The following KCNMA1 variants were observed in gnomAD, a reference collection of about 807,000 sequenced individuals.
KCNMA1 encodes the protein Calcium-activated potassium channel subunit alpha-1.
KCNMA1 carries 29 observed loss-of-function variants against 140.0 expected under a neutral mutation model. The observed-to-expected ratio is 0.21, with a 90% confidence interval of 0.15 to 0.28. The LOEUF is 0.28. KCNMA1 is among the 10% of genes least tolerant of loss of function. The pLI, the probability that KCNMA1 is intolerant of heterozygous loss-of-function variation, is 1.00. For missense variants in KCNMA1, 880 were observed against 1,602.2 expected, an observed-to-expected ratio of 0.55 and a Z score of 7.70; for synonymous variants, 612 against 611.9, an observed-to-expected ratio of 1.00 and a Z score of 0.00.
intron 1 of KCNMA1, among the ~76,000 whole-genome samples, chr10:77,425,113 A>ATGGATGGATGGATGGATGAG (rs1566765906): frequency 8.5e-6 from 1 of 117,136 alleles, no homozygotes; most frequent in Non-Finnish European, 1.7e-5. Flanking sequence ...GGATGAGTGG[A>ATGGATGGATGGATGGATGAG]TGGATGGATG....
chr10:77,341,471 C>T (rs1459715227), intron 2 of KCNMA1, among the ~76,000 whole-genome samples: 1 of 152,198 alleles, frequency 6.6e-6, no homozygotes, highest in African/African-American at 2.4e-5. Flanking sequence ...TCCCTCCTCC[C>T]TCATTCCCAT....
chr10:77,550,110 G>C (rs922753268), intron 1 of KCNMA1, among the ~76,000 whole-genome samples: 2 of 152,240 alleles, frequency 1.3e-5, no homozygotes, highest in African/African-American at 2.4e-5. Flanking sequence ...AAGCCAGGCA[G>C]TGATGCTCAC....
chr10:77,456,348 G>A (rs2097762319), intron 1 of KCNMA1, among the ~76,000 whole-genome samples: 1 of 152,116 alleles, frequency 6.6e-6, no homozygotes, highest in African/African-American at 2.4e-5. Flanking sequence ...AGGACCTCCG[G>A]AGAGAAACCT....
At chr10:77,316,975 G>A (rs1349267695) in intron 2 of KCNMA1, among the ~76,000 whole-genome samples, 1 of 152,104 alleles carries the variant, frequency 6.6e-6, no homozygotes, top group Admixed American at 6.5e-5. Context: ...ACTTCTTTCT[G>A]GGTCATGCCC....
At chr10:77,631,105 CCAAAAAAAAAA>C (rs1220494794) in intron 1 of KCNMA1, among the ~76,000 whole-genome samples, 2,872 of 90,394 alleles carry the variant, frequency 0.032, 130 homozygotes, top group African/African-American at 0.11. Flanking sequence ...AGACCCTGTC[CCAAAAAAAAAA>C]AAAAAAAAAA....
rs1349220930 is a variant in KCNMA1 at position 77,189,454 on chromosome 10, G to A, written c.603-4538C>T. Among the ~76,000 whole-genome samples the A allele has an allele frequency of 5.3e-5, 8 of 152,194 alleles. No individual in the cohort carries two copies. In the East Asian group the frequency reaches 1.4e-3, roughly 26 times the overall value. On this transcript the variant is annotated intron_variant, in intron 3 of 27. Transcript: ENST00000286628. Reference sequence around the variant, plus strand: ...ATGCCACTGTGCAAGCTTCACCAGTGGACGTTCCAATTAACAATCAGAGAG... The same window carrying A: ...ATGCCACTGTGCAAGCTTCACCAGTAGACGTTCCAATTAACAATCAGAGAG...
At chr10:77,509,410 G>GCC (rs34476440) in intron 1 of KCNMA1, among the ~76,000 whole-genome samples, 22 of 151,940 alleles carry the variant, frequency 1.4e-4, no homozygotes, top group African/African-American at 5.3e-4. Context: ...GAGCCACCAT[G>GCC]CCCGGCCCTA....
At chr10:77,028,685 G>A (rs528061746) in intron 15 of KCNMA1, among the ~76,000 whole-genome samples, 1 of 152,028 alleles carries the variant, frequency 6.6e-6, no homozygotes, top group Non-Finnish European at 1.5e-5. Flanking sequence ...ATTTTACACT[G>A]GCTGTGGTCG....
In KCNMA1 at chr10:77,197,357, G is replaced by A. The variant is rs570649213; in HGVS notation, c.603-12441C>T. ...CTGGTCACTTGGTGCACACCCAGGT[G>A]GAGTCAGGAACATGTAGGACTGATG... On this transcript the variant is annotated intron_variant, in intron 3 of 27. Transcript: ENST00000286628. Among the ~76,000 whole-genome samples the A allele has an allele frequency of 2.0e-5, 3 of 152,350 alleles. No individual in the cohort carries two copies. The South Asian group carries it at 6.2e-4, about 32-fold the overall frequency.
At chr10:77,087,392 A>G (rs1674530316) in intron 10 of KCNMA1, among the ~76,000 whole-genome samples, 1 of 152,202 alleles carries the variant, frequency 6.6e-6, no homozygotes, top group Non-Finnish European at 1.5e-5. Context: ...ATATTGATAT[A>G]TATATTTCCT....
chr10:76,904,811 A>G (rs1342321836), intron 25 of KCNMA1: 1 of 152,474 alleles, frequency 6.6e-6, no homozygotes, highest in Non-Finnish European at 1.5e-5. Context: ...AAGGCCAAGG[A>G]TGCTGTCTGA....
At chr10:77,443,730 G>A (rs2154514640) in intron 1 of KCNMA1, among the ~76,000 whole-genome samples, 1 of 152,278 alleles carries the variant, frequency 6.6e-6, no homozygotes, top group East Asian at 1.9e-4. Flanking sequence ...TGCTTTCTAG[G>A]TTGCTTTTCA....
At chr10:77,601,758 C>G (rs922992912) in intron 1 of KCNMA1, among the ~76,000 whole-genome samples, 2 of 152,164 alleles carry the variant, frequency 1.3e-5, no homozygotes, top group African/African-American at 4.8e-5. Context: ...TTGTCAGTGA[C>G]TCAACCAGGA....
chr10:77,162,993 T>C (rs914666357), intron 5 of KCNMA1, among the ~76,000 whole-genome samples: 2 of 152,216 alleles, frequency 1.3e-5, no homozygotes, highest in African/African-American at 4.8e-5. Flanking sequence ...TGTTTGTATG[T>C]CCAGTGTCTG....
chr10:77,134,455 AT>A (rs1189906018), intron 5 of KCNMA1, among the ~76,000 whole-genome samples: 1 of 152,156 alleles, frequency 6.6e-6, no homozygotes, highest in Non-Finnish European at 1.5e-5. Context: ...AAATGAAACT[AT>A]TTTATCTTAA....
At chr10:77,146,816 C>A in intron 5 of KCNMA1, among the ~76,000 whole-genome samples, 1 of 150,944 alleles carries the variant, frequency 6.6e-6, no homozygotes, top group South Asian at 2.1e-4. Context: ...TTTAAAATGC[C>A]TTTCACACAG....
intron 1 of KCNMA1, among the ~76,000 whole-genome samples, chr10:77,544,314 T>C (rs930066918): frequency 2.6e-5 from 4 of 152,132 alleles, no homozygotes; most frequent in African/African-American, 9.7e-5. Context: ...ATTGTTATAA[T>C]TGTTTAAAGG....
intron 1 of KCNMA1, among the ~76,000 whole-genome samples, chr10:77,609,126 C>G (rs188985527): frequency 8.5e-5 from 13 of 152,322 alleles, no homozygotes; most frequent in Middle Eastern, 6.8e-3. Context: ...ATCAGTACGT[C>G]AAAGAGATGT....
chr10:77,421,321 C>G (rs2096862493), intron 1 of KCNMA1, among the ~76,000 whole-genome samples: 1 of 152,236 alleles, frequency 6.6e-6, no homozygotes, highest in South Asian at 2.1e-4. Flanking sequence ...CACTCCACCA[C>G]CACCATTGCT....
Sources: gnomAD v4.1 joint callset for allele counts (sites outside exome capture counted in the v4.1 genomes callset) on GRCh38, gnomAD v4.1.1 for gene constraint, MANE v1.5 for transcripts, NCBI Gene and HGNC (gene_info 2026-07-23, HGNC 2026-07-21) for gene names.